The following HEATR5A variants were observed in gnomAD, a reference collection of about 807,000 sequenced individuals.
HEATR5A encodes HEAT repeat-containing protein 5A.
Under a neutral mutation model 218.8 loss-of-function variants are expected in HEATR5A, and 178 were observed. The observed-to-expected ratio is 0.81, with a 90% CI of 0.72 to 0.92. HEATR5A has a LOEUF of 0.92. HEATR5A is among the 40% of genes least tolerant of loss of function. The pLI is 0.00. For synonymous variants in HEATR5A, 864 were observed against 871.6 expected (o/e 0.99, Z 0.15); for missense variants, 2,420 against 2,418.9 (o/e 1.00, Z -0.01).
Position 31,297,953 on chromosome 14 carries a change from G to T in HEATR5A, c.5465-1890C>A, listed in dbSNP as rs756180259. On this transcript the variant is annotated intron_variant, in intron 33 of 35. Transcript: ENST00000543095. ...CCTATAGCAACTTGAAACTGCAACA[G>T]AGTCAGCTAATTTGTTTAGTAAAAA... Among the ~76,000 whole-genome samples, 8 of 152,264 alleles carry T rather than the reference G, an allele frequency of 5.3e-5. No individual in the cohort carries two copies. The East Asian group carries it at 1.5e-3, about 29-fold the overall frequency.
At chr14:31,317,382 G>A (rs1314085829) in intron 26 of HEATR5A, among the ~76,000 whole-genome samples, 3 of 129,354 alleles carry the variant, frequency 2.3e-5, no homozygotes, top group African/African-American at 8.7e-5. Flanking sequence ...TCAGCTCACT[G>A]CAGCCTCTGC....
chr14:31,312,913 A>AAAGAT (rs1899804141), intron 28 of HEATR5A, 55 bp downstream of exon 28: 1 of 1,404,074 alleles, frequency 7.1e-7, no homozygotes, highest in Admixed American at 2.1e-5. Flanking sequence ...AAAAAAAAGA[A>AAAGAT]AAGAAAATGT....
chr14:31,339,708 G>A (rs1048442346), intron 21 of HEATR5A, among the ~76,000 whole-genome samples: 4 of 151,928 alleles, frequency 2.6e-5, no homozygotes, highest in Non-Finnish European at 4.4e-5. Context: ...TGGATAGAAA[G>A]GAATGCCATT....
intron 1 of HEATR5A, among the ~76,000 whole-genome samples, chr14:31,404,358 CAGAGAAGCCAGTAACTAA>C (rs1473127537): frequency 6.6e-6 from 1 of 152,140 alleles, no homozygotes; most frequent in African/African-American, 2.4e-5. Context: ...CATACTTTTA[CAGAGAAGCCAGTAACTAA>C]AGAGGTATTA....
At chr14:31,329,068 G>C (rs1900372456) in intron 22 of HEATR5A, among the ~76,000 whole-genome samples, 1 of 151,992 alleles carries the variant, frequency 6.6e-6, no homozygotes, top group African/African-American at 2.4e-5. Context: ...GATCTTGTGA[G>C]AACTCACTAT....
rs767913992 is a variant in HEATR5A at position 31,380,513 on chromosome 14, C to T, written c.1662G>A (p.Gln554=). The change falls in exon 11 of 36, where the codon CAG becomes CAA. Residue 554 remains glutamine, a synonymous_variant. Coordinates refer to ENST00000543095, the MANE Select transcript of HEATR5A (RefSeq NM_015473.4). ...TCAGCAACCATCCAGCTTGTGTGCG[C>T]TGAGCTGAAAGGCGACTGTTTTGAG... The part of the protein sequence containing the change: ...SAAQNSRLSA[Q]RTQAGWLLIS... The T allele has an allele frequency of 2.9e-5, 46 of 1,609,206 alleles. No homozygotes were observed. The South Asian group carries it at 3.6e-4, about 12-fold the overall frequency.
chr14:31,349,793 C>A lies in HEATR5A; in HGVS notation c.2704G>T (p.Asp902Tyr), dbSNP rs1327280536. 1 of 1,608,494 alleles carries A rather than the reference C, an allele frequency of 6.2e-7. No individual in the cohort carries two copies. The highest frequency in any genetic ancestry group is 1.1e-5 in the South Asian group (1 of 90,634). ...FTAGLAQVSF[D>Y]KLKSARDVVT... ...TTAAATAAGAAATTCACTTACTTGT[C>A]AAAGCTAACTTGAGCTAATCCAGCA... is the stretch of plus-strand genomic sequence containing the variant. The change falls in exon 18 of 36, where the codon GAC becomes TAC. Residue 902 changes from aspartate to tyrosine, a missense_variant. Coordinates refer to ENST00000543095, the MANE Select transcript of HEATR5A (RefSeq NM_015473.4).
intron 27 of HEATR5A, 32 bp from the exon 28 acceptor site, chr14:31,313,222 C>A (rs367732099): frequency 6.7e-7 from 1 of 1,502,138 alleles, no homozygotes; most frequent in Non-Finnish European, 9.2e-7. Context: ...ACAGGAAAAT[C>A]TTTTATCTGC....
In HEATR5A at chr14:31,313,132, GT is replaced by G; in HGVS notation, c.4276del (p.Thr1426ProfsTer3). 1 of 1,613,826 alleles carries G rather than the reference GT, an allele frequency of 6.2e-7. No individual in the cohort carries two copies. Among genetic ancestry groups the G allele is most frequent in the Non-Finnish European group, 8.5e-7 (1 of 1,179,768 alleles). ...KNHRQPLKTT[T>X]CLEDGIRNGS... is the part of the protein sequence containing the mutation. ...ATTTCTGATACCGTCTTCTAAACAG[GT>G]GGTAGTCTTCAAAGGTTGTCTGTGG... On this transcript the variant is annotated frameshift_variant, in exon 28 of 36. Transcript: ENST00000543095. LOFTEE classifies it high-confidence loss of function.
In HEATR5A at chr14:31,358,717, G is replaced by A. The variant is rs1431296224; in HGVS notation, c.2331C>T (p.Pro777=). Residue 777 remains proline, a synonymous_variant, in exon 16 of 36, where the codon CCC becomes CCT. Transcript: ENST00000543095. ...KDVEGDSVPK[P]LPPALSVISS... ...TAATAACTGATAGTGCTGGAGGTAA[G>A]GGCTTAGGCACTGAATCTCCCTCTA... 1.9e-6 allele frequency: 3 copies of A among 1,613,898 alleles called. No individual in the cohort carries two copies. Among genetic ancestry groups the A allele is most frequent in the Non-Finnish European group, 2.5e-6 (3 of 1,179,854 alleles).
rs1475458844 is a variant in HEATR5A, at chr14:31,292,138, G to C, written c.*1167C>G. ...TTTTTTCTATAATAAAATGTTTCCT[G>C]TTAAAAAAAATACTTGTATTCACCT... On this transcript the variant is annotated 3_prime_UTR_variant, in exon 36 of 36. Coordinates refer to ENST00000543095, the MANE Select transcript of HEATR5A (RefSeq NM_015473.4). 6.6e-6 allele frequency: 1 copy of C among 151,932 alleles called. No individual in the cohort carries two copies. Among genetic ancestry groups the C allele is most frequent in the African/African-American group, 2.4e-5 (1 of 41,378 alleles). 9.4% of individuals were successfully genotyped at this position (151,932 alleles called of 1,614,324 possible).
At chr14:31,318,746 CA>C (rs1227997939) in intron 25 of HEATR5A, among the ~76,000 whole-genome samples, 1 of 152,206 alleles carries the variant, frequency 6.6e-6, no homozygotes, top group Non-Finnish European at 1.5e-5. Context: ...TGCCTCCTCC[CA>C]AAGTGCTGGG....
At chr14:31,324,561 C>T (rs1266941487) in intron 23 of HEATR5A, among the ~76,000 whole-genome samples, 1 of 151,882 alleles carries the variant, frequency 6.6e-6, no homozygotes, top group African/African-American at 2.4e-5. Flanking sequence ...AGCCAAACCT[C>T]AGAAGATGAA....
At chr14:31,302,200 G>A (rs1899406261) in intron 33 of HEATR5A, 95 bp downstream of exon 33, 2 of 874,220 alleles carry the variant, frequency 2.3e-6, no homozygotes, top group Non-Finnish European at 3.7e-6. Context: ...TAGGTGATAT[G>A]GCCAAATATG....
intron 14 of HEATR5A, among the ~76,000 whole-genome samples, chr14:31,360,964 T>C (rs1901597344): frequency 6.6e-6 from 1 of 152,188 alleles, no homozygotes; most frequent in Non-Finnish European, 1.5e-5. Flanking sequence ...CTTGGCTTAC[T>C]GAATACTTAA....
intron 12 of HEATR5A, among the ~76,000 whole-genome samples, 183 bp from the exon 13 acceptor site, chr14:31,372,092 A>G (rs1157832513): frequency 6.6e-6 from 1 of 152,152 alleles, no homozygotes; most frequent in East Asian, 1.9e-4. Context: ...ATACTTAAAA[A>G]AACAACAACA....
At chr14:31,379,028 G>A (rs1426173730) in intron 11 of HEATR5A, among the ~76,000 whole-genome samples, 2 of 146,568 alleles carry the variant, frequency 1.4e-5, no homozygotes, top group East Asian at 2.1e-4. Flanking sequence ...TGCAACCTCT[G>A]CCTCCTGGGT....
intron 1 of HEATR5A, among the ~76,000 whole-genome samples, chr14:31,411,073 AG>A (rs1173747686): frequency 2.6e-5 from 4 of 152,208 alleles, no homozygotes; most frequent in African/African-American, 9.6e-5. Context: ...AAACTTTTAT[AG>A]CCAATGCTGA....
rs557981112 is a variant in HEATR5A at position 31,292,998 on chromosome 14, G to T, written c.*307C>A. 1.9e-5 allele frequency: 5 copies of T among 267,374 alleles called. No homozygotes were observed. In the East Asian group the frequency reaches 4.0e-4, roughly 21 times the overall value. The allele number at this position is 267,374 out of a possible 1,614,324, so 16.6% of individuals were successfully genotyped here. A position where few individuals can be genotyped will look rare whatever the true frequency, so the allele number is the denominator to read the frequency against. ...ACCACATATGTATGGACTGTTAGAA[G>T]AAATTCATTTCATTTTTAAAGCAGT... On this transcript the variant is annotated 3_prime_UTR_variant, in exon 36 of 36. Coordinates refer to ENST00000543095, the MANE Select transcript of HEATR5A (RefSeq NM_015473.4).
Sources: allele counts gnomAD v4.1 joint callset (sites outside exome capture counted in the v4.1 genomes callset), GRCh38; gene constraint gnomAD v4.1.1; transcripts MANE v1.5; gene names NCBI Gene and HGNC (gene_info 2026-07-23, HGNC 2026-07-21).